Variants in HS6ST3 observed in about 807,000 individuals in gnomAD.
The protein encoded by HS6ST3 is heparan sulfate 6-O-sulfotransferase 3.
Under a neutral mutation model 36.7 loss-of-function variants are expected in HS6ST3, and 12 were observed. That is an observed-to-expected ratio of 0.33 (90% CI 0.21 to 0.53). The LOEUF is 0.53. Ranked by LOEUF, HS6ST3 falls within the 20% of genes least tolerant of loss-of-function variation. The probability of loss-of-function intolerance (pLI) is 0.95; values close to 1 mark genes in which losing one functional copy is unlikely to be tolerated. For synonymous variants in HS6ST3, 240 were observed against 257.5 expected, an observed-to-expected ratio of 0.93 and a Z score of 0.65; for missense variants, 584 against 640.9, an observed-to-expected ratio of 0.91 and a Z score of 0.96.
chr13:96,099,684 G>A (rs2053808656), intron 1 of HS6ST3, among the ~76,000 whole-genome samples: 1 of 152,124 alleles, frequency 6.6e-6, no homozygotes, highest in African/African-American at 2.4e-5. Context: ...TTGACATTGT[G>A]TATTTATGTT....
At chr13:96,573,667 C>T (rs2056309483) in intron 1 of HS6ST3, 2 of 282,438 alleles carry the variant, frequency 7.1e-6, no homozygotes, top group Non-Finnish European at 1.3e-5. Context: ...AAGTTGGCAG[C>T]AGGCTGTTGT....
intron 1 of HS6ST3, among the ~76,000 whole-genome samples, chr13:96,454,067 C>T (rs1181484625): frequency 6.6e-6 from 1 of 152,146 alleles, no homozygotes; most frequent in Non-Finnish European, 1.5e-5. Flanking sequence ...CACTCCCCCA[C>T]CCCTAGCTTA....
intron 1 of HS6ST3, among the ~76,000 whole-genome samples, chr13:96,420,311 C>G (rs1296046082): frequency 1.3e-5 from 2 of 152,118 alleles, no homozygotes; most frequent in East Asian, 3.9e-4. Flanking sequence ...TTTGGAAGGG[C>G]TCCTGTGTTA....
chr13:96,161,430 G>T (rs1352546945), intron 1 of HS6ST3, among the ~76,000 whole-genome samples: 2 of 152,164 alleles, frequency 1.3e-5, no homozygotes, highest in Non-Finnish European at 2.9e-5. Context: ...TAGTTGGATG[G>T]CTAGAGGGCA....
intron 1 of HS6ST3, among the ~76,000 whole-genome samples, chr13:96,289,209 T>C (rs1447005609): frequency 1.3e-5 from 2 of 152,112 alleles, no homozygotes; most frequent in African/African-American, 2.4e-5. Context: ...CTCAATGCCT[T>C]TTCATTTAGA....
At chr13:96,128,902 T>C (rs114314704) in intron 1 of HS6ST3, among the ~76,000 whole-genome samples, 33 of 151,736 alleles carry the variant, frequency 2.2e-4, no homozygotes, top group East Asian at 7.8e-4. Flanking sequence ...CTGGAGTGCA[T>C]TGGGGCAATC....
rs554188794 is a variant in HS6ST3, at chr13:96,513,975, G to A, written c.708-318515G>A. ...ATAAGGAGTGCAGTGTGGTTGTAGC[G>A]TTGTGGGAGAGGAGAGTTAGGAGAT... On this transcript the variant is annotated intron_variant, in intron 1 of 1. Transcript: ENST00000376705. 2.2e-4 allele frequency among the ~76,000 whole-genome samples: 34 copies of A among 152,146 alleles called. No homozygotes were observed. The East Asian group carries it at 3.9e-3, about 17-fold the overall frequency.
chr13:96,644,175 C>T (rs2056580269), intron 1 of HS6ST3, among the ~76,000 whole-genome samples: 1 of 151,922 alleles, frequency 6.6e-6, no homozygotes. Context: ...CATCATATTG[C>T]ATATGATAAT....
intron 1 of HS6ST3, among the ~76,000 whole-genome samples, chr13:96,116,500 C>A (rs143820604): frequency 4.6e-5 from 7 of 152,094 alleles, no homozygotes; most frequent in Admixed American, 1.3e-4. Flanking sequence ...GCAGACACCC[C>A]CAAAATGCGT....
intron 1 of HS6ST3, among the ~76,000 whole-genome samples, chr13:96,722,223 C>A (rs1026767280): frequency 6.6e-6 from 1 of 152,046 alleles, no homozygotes; most frequent in Non-Finnish European, 1.5e-5. Context: ...CAACATTGTG[C>A]CACTGCACTC....
chr13:96,744,464 A>G (rs920012562), intron 1 of HS6ST3, among the ~76,000 whole-genome samples: 1 of 152,104 alleles, frequency 6.6e-6, no homozygotes, highest in African/African-American at 2.4e-5. Context: ...CAAAACTAAC[A>G]CGATATTAAT....
intron 1 of HS6ST3, among the ~76,000 whole-genome samples, chr13:96,323,430 C>T (rs903285762): frequency 1.3e-5 from 2 of 152,198 alleles, no homozygotes; most frequent in Non-Finnish European, 2.9e-5. Flanking sequence ...CTACTCTTTG[C>T]CACCTTCACC....
chr13:96,799,984 A>ATG (rs1878018087), intron 1 of HS6ST3, among the ~76,000 whole-genome samples: 5 of 92,430 alleles, frequency 5.4e-5, no homozygotes, highest in African/African-American at 3.1e-4. Context: ...ATATATATGT[A>ATG]TATATATATA....
Position 96,798,931 on chromosome 13 carries a change from C to T in HS6ST3, c.708-33559C>T, listed in dbSNP as rs564368693. Among the ~76,000 whole-genome samples, 6 of 152,190 alleles carry T rather than the reference C, an allele frequency of 3.9e-5. No homozygotes were observed. In the East Asian group the frequency reaches 1.2e-3, roughly 30 times the overall value. On this transcript the variant is annotated intron_variant, in intron 1 of 1. Coordinates refer to ENST00000376705, the MANE Select transcript of HS6ST3 (RefSeq NM_153456.4). ...CTTTCTCACTGTGTCTTCACATGGT[C>T]TTTTTTCTGTACATATGTACCCCAG...
chr13:96,788,601 T>C (rs1024426589), intron 1 of HS6ST3, among the ~76,000 whole-genome samples: 14 of 151,954 alleles, frequency 9.2e-5, no homozygotes, highest in Non-Finnish European at 1.8e-4. Context: ...TGCTTATTTT[T>C]GTTCACTTGT....
At position 96,090,352 on chromosome 13, in the gene HS6ST3, C is replaced by A. The variant is rs1253943880; in HGVS notation, c.-511C>A. 6.8e-6 allele frequency among the ~76,000 whole-genome samples: 1 copy of A among 146,464 alleles called. No homozygotes were observed. Among genetic ancestry groups the A allele is most frequent in the Non-Finnish European group, 1.5e-5 (1 of 65,890 alleles). On this transcript the variant is annotated 5_prime_UTR_variant, in exon 1 of 2. Coordinates refer to ENST00000376705, the MANE Select transcript of HS6ST3 (RefSeq NM_153456.4). The stretch of plus-strand genomic sequence containing the variant: ...AGGCGCCGGGCGCGCGTGCCGGGCG[C>A]GGTGCCCGCGGCCGGCCGGGGCGGC...
intron 1 of HS6ST3, among the ~76,000 whole-genome samples, chr13:96,727,798 C>T (rs1445938357): frequency 6.6e-6 from 1 of 152,142 alleles, no homozygotes; most frequent in Non-Finnish European, 1.5e-5. Context: ...AAGAGTTATG[C>T]TTTCTTTCAC....
intron 1 of HS6ST3, among the ~76,000 whole-genome samples, chr13:96,558,253 A>G (rs1034704186): frequency 1.3e-5 from 2 of 152,220 alleles, no homozygotes; most frequent in African/African-American, 4.8e-5. Flanking sequence ...AGGTTCTGAT[A>G]ATGCTCAAAT....
At chr13:96,425,718 A>G (rs780890068) in intron 1 of HS6ST3, among the ~76,000 whole-genome samples, 2 of 152,084 alleles carry the variant, frequency 1.3e-5, no homozygotes, top group Non-Finnish European at 2.9e-5. Flanking sequence ...GGGACAGTAA[A>G]TAACCATTCT....
Sources: gnomAD v4.1 joint callset for allele counts (sites outside exome capture counted in the v4.1 genomes callset) on GRCh38, gnomAD v4.1.1 for gene constraint, MANE v1.5 for transcripts, NCBI Gene and HGNC (gene_info 2026-07-23, HGNC 2026-07-21) for gene names.